ADAMTS6: variants seen among roughly 807,000 people sequenced by gnomAD.
The protein encoded by ADAMTS6 is ADAM metallopeptidase with thrombospondin type 1 motif 6, also known as A disintegrin and metalloproteinase with thrombospondin motifs 6.
A neutral mutation model predicts 144.3 loss-of-function variants in ADAMTS6; 23 were observed. That is an observed-to-expected ratio of 0.16 (90% confidence interval 0.11 to 0.23). The LOEUF is 0.23. Among genes scored for constraint, ADAMTS6 ranks in the 10% least tolerant of loss-of-function variants. The pLI, the probability that ADAMTS6 is intolerant of heterozygous loss-of-function variation, is 1.00. For missense variants in ADAMTS6, 999 were observed against 1,379.6 expected, an observed-to-expected ratio of 0.72 and a Z score of 4.37; for synonymous variants, 444 against 457.5, an observed-to-expected ratio of 0.97 and a Z score of 0.38.
At chr5:65,282,914 AGCT>A (rs1355733297) in intron 11 of ADAMTS6, among the ~76,000 whole-genome samples, 1 of 152,174 alleles carries the variant, frequency 6.6e-6, no homozygotes, top group Non-Finnish European at 1.5e-5. Flanking sequence ...GTTGGTTTAC[AGCT>A]GCTGGCTGGC....
intron 5 of ADAMTS6, among the ~76,000 whole-genome samples, 173 bp from the exon 6 acceptor site, chr5:65,452,389 C>T (rs551124923): frequency 6.6e-6 from 1 of 150,864 alleles, no homozygotes; most frequent in South Asian, 2.1e-4. Flanking sequence ...TTATACAAGT[C>T]TACCTCAATA....
intron 7 of ADAMTS6, among the ~76,000 whole-genome samples, chr5:65,395,300 CA>C (rs149103942): frequency 0.02 from 3,021 of 152,214 alleles, 91 homozygotes; most frequent in African/African-American, 0.069. Flanking sequence ...AAGACTATCC[CA>C]AGGACTAGTC....
intron 14 of ADAMTS6, among the ~76,000 whole-genome samples, chr5:65,245,537 G>T (rs1401987242): frequency 6.6e-6 from 1 of 151,972 alleles, no homozygotes; most frequent in Non-Finnish European, 1.5e-5. Context: ...TCAATTTCCT[G>T]CATTAAATTC....
chr5:65,213,467 T>A lies in ADAMTS6; in HGVS notation c.2575+1327A>T, dbSNP rs371213702. On this transcript the variant is annotated intron_variant, in intron 20 of 24. Transcript: ENST00000381055. Reference sequence around the variant, plus strand: ...GACAAGCCTAGGCAACACAGTGAGATCCTGTCTTTACAAAAATTTTTAAAA... The same window carrying A: ...GACAAGCCTAGGCAACACAGTGAGAACCTGTCTTTACAAAAATTTTTAAAA... Among the ~76,000 whole-genome samples the A allele has an allele frequency of 8.5e-5, 13 of 152,082 alleles. No homozygotes were observed. The East Asian group carries it at 1.4e-3, about 16-fold the overall frequency.
At chr5:65,205,677 G>A (rs150117077) in intron 20 of ADAMTS6, among the ~76,000 whole-genome samples, 9 of 152,228 alleles carry the variant, frequency 5.9e-5, no homozygotes, top group East Asian at 1.9e-4. Context: ...TGACAGATTC[G>A]TTAAAAGTAA....
rs1449391307 is a variant in ADAMTS6, at chr5:65,214,716, A to G, written c.2575+78T>C. 6.2e-7 allele frequency: 1 copy of G among 1,601,946 alleles called. No homozygotes were observed. The highest frequency in any genetic ancestry group is 1.1e-5 in the South Asian group (1 of 90,602). On this transcript the variant is annotated intron_variant, in intron 20 of 24. Coordinates refer to ENST00000381055, the MANE Select transcript of ADAMTS6 (RefSeq NM_197941.4). The surrounding 1 kb of genome is among the most constrained non-coding windows in gnomAD (Gnocchi z 4.6). ...GAAATGTTTCCAATTAGCTTTTTTA[A>G]CAAACACAAAGCATAGCTCAGAATG...
At chr5:65,163,440 TATA>T (rs1561235778) in intron 24 of ADAMTS6, among the ~76,000 whole-genome samples, 1 of 152,174 alleles carries the variant, frequency 6.6e-6, no homozygotes, top group Non-Finnish European at 1.5e-5. Flanking sequence ...AAATTATGTG[TATA>T]ATAAGTGCAT....
At chr5:65,264,166 G>A (rs1406030303) in intron 12 of ADAMTS6, among the ~76,000 whole-genome samples, 1 of 152,058 alleles carries the variant, frequency 6.6e-6, no homozygotes, top group African/African-American at 2.4e-5. Context: ...AGAGCATTTA[G>A]AAAGATCTTT....
intron 11 of ADAMTS6, among the ~76,000 whole-genome samples, chr5:65,277,584 C>T (rs915389829): frequency 2.0e-5 from 3 of 151,168 alleles, no homozygotes; most frequent in East Asian, 3.9e-4. Context: ...TTCCATAAAA[C>T]TAATGCTTTT....
At chr5:65,192,894 A>C (rs1755104607) in intron 21 of ADAMTS6, among the ~76,000 whole-genome samples, 1 of 151,964 alleles carries the variant, frequency 6.6e-6, no homozygotes. Flanking sequence ...TTTCTCTATA[A>C]GGACAAATCT....
At chr5:65,280,243 T>C (rs1222586098) in intron 11 of ADAMTS6, among the ~76,000 whole-genome samples, 1 of 152,224 alleles carries the variant, frequency 6.6e-6, no homozygotes, top group Admixed American at 6.5e-5. Context: ...TGCTTCCTTC[T>C]TAGAGACATT....
chr5:65,160,934 G>A (rs897438529), intron 24 of ADAMTS6, among the ~76,000 whole-genome samples: 30 of 152,134 alleles, frequency 2.0e-4, no homozygotes, highest in Non-Finnish European at 2.6e-4. Flanking sequence ...TTATAGGCGT[G>A]AGCCACCATG....
intron 20 of ADAMTS6, chr5:65,198,849 T>C (rs764586676): frequency 1.3e-5 from 2 of 153,220 alleles, no homozygotes; most frequent in African/African-American, 2.4e-5. Flanking sequence ...ATTTTTTAAC[T>C]ATTAAACTTT....
intron 20 of ADAMTS6, among the ~76,000 whole-genome samples, chr5:65,197,764 T>G (rs1409224948): frequency 1.3e-5 from 2 of 152,240 alleles, no homozygotes; most frequent in African/African-American, 4.8e-5. Flanking sequence ...CGAACAGAGT[T>G]GACCCCTGTT....
At chr5:65,275,275 G>GGAAAGGAA in intron 11 of ADAMTS6, among the ~76,000 whole-genome samples, 1 of 144,562 alleles carries the variant, frequency 6.9e-6, no homozygotes, top group Admixed American at 7.0e-5. Flanking sequence ...AGGGAGGGAG[G>GGAAAGGAA]GAAAGGAAGG....
chr5:65,221,846 C>T (rs1460550285), intron 18 of ADAMTS6, among the ~76,000 whole-genome samples: 2 of 151,854 alleles, frequency 1.3e-5, no homozygotes, highest in Admixed American at 6.6e-5. Context: ...TATTCCCTAA[C>T]AACAAAAAAC....
chr5:65,303,642 CTT>C (rs1399140809), intron 9 of ADAMTS6, among the ~76,000 whole-genome samples: 8 of 151,422 alleles, frequency 5.3e-5, no homozygotes, highest in South Asian at 4.2e-4. Context: ...TAAAAATACT[CTT>C]AAGCATAAAA....
In ADAMTS6 at chr5:65,300,092, C is replaced by T. The variant is rs1387697025; in HGVS notation, c.1263G>A (p.Gly421=). The T allele has an allele frequency of 1.9e-6, 3 of 1,613,958 alleles. No individual in the cohort carries two copies. The African/African-American group carries it at 4.0e-5, about 22-fold the overall frequency. Residue 421 remains glycine, a synonymous_variant, in exon 10 of 25, where the codon GGG becomes GGA. Transcript: ENST00000381055. ...GTTTTGCTGCTTCATGACCTTTCGT[C>T]CCACAAGAATTTCCAATTCCATCAT... ...MNHDGIGNSC[G]TKGHEAAKLM...
chr5:65,302,091 CCA>C (rs1491346189), intron 9 of ADAMTS6, among the ~76,000 whole-genome samples: 5 of 51,914 alleles, frequency 9.6e-5, no homozygotes, highest in African/African-American at 5.7e-4. Flanking sequence ...GGCTCTGTCT[CCA>C]AAAAAAAAAA....
Sources: allele counts gnomAD v4.1 joint callset (sites outside exome capture counted in the v4.1 genomes callset), GRCh38; gene constraint gnomAD v4.1.1; non-coding constraint Gnocchi (gnomAD v3.1); transcripts MANE v1.5; gene names NCBI Gene and HGNC (gene_info 2026-07-23, HGNC 2026-07-21).